Variants in TBRG1 observed in about 807,000 individuals in gnomAD.
The protein encoded by TBRG1 is nuclear interactor of ARF and MDM2.
TBRG1 carries 31 observed loss-of-function variants against 44.0 expected under a neutral mutation model. The ratio of observed to expected loss-of-function variants is 0.70; its 90% confidence interval spans 0.53 to 0.95. The LOEUF is 0.95. TBRG1 is among the 40% of genes least tolerant of loss of function. The pLI is 0.00. For synonymous variants in TBRG1, 171 were observed against 188.1 expected (o/e 0.91, Z 0.74); for missense variants, 487 against 496.1 (o/e 0.98, Z 0.18).
Position 124,624,890 on chromosome 11 carries a change from T to TA in TBRG1, c.151-41_151-40insA, listed in dbSNP as rs1189697949. The TA allele has an allele frequency of 1.9e-5, 25 of 1,328,420 alleles. No homozygotes were observed. In the African/African-American group the frequency reaches 3.3e-4, roughly 18 times the overall value. The allele number at this position is 1,328,420 out of a possible 1,614,324, so 82.3% of individuals were successfully genotyped here. A position where few individuals can be genotyped will look rare whatever the true frequency, so the allele number is the denominator to read the frequency against. On this transcript the variant is annotated intron_variant, in intron 1 of 8. Transcript: ENST00000441174. ...TTCCCAGCATAATAATGTGATTTTT[T>TA]TATTCATTTTATGTTATTATATTCA...
intron 1 of TBRG1, 32 bp downstream of exon 1, chr11:124,623,265 C>T (rs776786936): frequency 2.5e-5 from 39 of 1,550,736 alleles, no homozygotes; most frequent in Non-Finnish European, 3.4e-5. Context: ...CCGGTCCCCT[C>T]CTGGAGACTC....
chr11:124,631,384 T>G lies in TBRG1; in HGVS notation c.1057T>G (p.Phe353Val), dbSNP rs1942606954. Residue 353 changes from phenylalanine to valine, a missense_variant, in exon 8 of 9, where the codon TTT becomes GTT. Physicochemically the swap from Phe to Val is conservative, Grantham distance 50. Transcript: ENST00000441174. ...MSFEAFQRQI[F>V]DEDQNDPLLP... Reference sequence around the variant, plus strand: ...CTTTGAAGCCTTTCAGAGACAGATCTTTGATGAAGATCAGAATGATCCCCT... The same window carrying G: ...CTTTGAAGCCTTTCAGAGACAGATCGTTGATGAAGATCAGAATGATCCCCT... 2.5e-6 allele frequency: 4 copies of G among 1,613,980 alleles called. No homozygotes were observed. Among genetic ancestry groups the G allele is most frequent in the Non-Finnish European group, 1.7e-6 (2 of 1,179,880 alleles).
At position 124,633,145 on chromosome 11, in the gene TBRG1, C is replaced by T. The variant is rs925048673; in HGVS notation, c.*907C>T. On this transcript the variant is annotated 3_prime_UTR_variant, in exon 9 of 9. Transcript: ENST00000441174. ...TTTAACCTCTTTAACCTTTGTATTG[C>T]ACCTCAGATAATGTGCTTTTTAGCT... The T allele has an allele frequency of 1.3e-5, 2 of 152,202 alleles. No individual in the cohort carries two copies. The highest frequency in any genetic ancestry group is 4.8e-5 in the African/African-American group (2 of 41,426). 9.4% of individuals were successfully genotyped at this position (152,202 alleles called of 1,614,324 possible). A position where few individuals can be genotyped will look rare whatever the true frequency, so the allele number is the denominator to read the frequency against.
intron 1 of TBRG1, 78 bp downstream of exon 1, chr11:124,623,311 C>T (rs1942383034): frequency 1.4e-6 from 2 of 1,465,570 alleles, no homozygotes; most frequent in Non-Finnish European, 1.9e-6. Flanking sequence ...TTCCCCCTTC[C>T]CAGTGTGACA....
At position 124,626,923 on chromosome 11, in the gene TBRG1, G is replaced by T. The variant is rs1272928090; in HGVS notation, c.611G>T (p.Gly204Val). Reference protein sequence around the residue: ...SLGEIITDRPGFHDESAIYPV... With the variant: ...SLGEIITDRPVFHDESAIYPV... ...TTATAGATCATCACCGACCGACCTG[G>T]CTTTCATGATGAGAGTGCCATCTAC... Residue 204 changes from glycine to valine, a missense_variant, in exon 5 of 9, where the codon GGC becomes GTC. By Grantham distance (109) the Gly-to-Val change is moderately radical. Coordinates refer to ENST00000441174, the MANE Select transcript of TBRG1 (RefSeq NM_032811.3). 1 of 1,606,390 alleles carries T rather than the reference G, an allele frequency of 6.2e-7. No individual in the cohort carries two copies. Among genetic ancestry groups the T allele is most frequent in the Admixed American group, 1.7e-5 (1 of 59,286 alleles).
At position 124,635,870 on chromosome 11, in the gene TBRG1, A is replaced by G. The variant is rs943091459; in HGVS notation, c.*3632A>G. 4.6e-5 allele frequency: 7 copies of G among 152,150 alleles called. No homozygotes were observed. The highest frequency in any genetic ancestry group is 1.7e-4 in the African/African-American group (7 of 41,446). The allele number at this position is 152,150 out of a possible 1,614,324, so 9.4% of individuals were successfully genotyped here. A position where few individuals can be genotyped will look rare whatever the true frequency, so the allele number is the denominator to read the frequency against. On this transcript the variant is annotated 3_prime_UTR_variant, in exon 9 of 9. Coordinates refer to ENST00000441174, the MANE Select transcript of TBRG1 (RefSeq NM_032811.3). ...TTTCAGACAATGTTAGCTGTTTTTA[A>G]TCCATCAGTAAACTGCATTAAGATT...
intron 2 of TBRG1, 136 bp from the exon 3 acceptor site, chr11:124,625,535 G>A (rs1942446272): frequency 5.5e-6 from 4 of 731,762 alleles, no homozygotes; most frequent in South Asian, 2.0e-5. Flanking sequence ...TGATTCATAG[G>A]GCCTAATAAG....
intron 2 of TBRG1, 119 bp from the exon 3 acceptor site, chr11:124,625,552 T>C (rs1942446629): frequency 2.2e-6 from 2 of 902,002 alleles, no homozygotes; most frequent in Non-Finnish European, 3.3e-6. Context: ...TAAGAACCTT[T>C]CTTTTATGAG....
chr11:124,626,000 A>T (rs1942460000), intron 3 of TBRG1, 97 bp downstream of exon 3: 2 of 1,424,570 alleles, frequency 1.4e-6, no homozygotes, highest in Non-Finnish European at 1.9e-6. Flanking sequence ...CTGCAGATGT[A>T]CTTAGAGTCT....
chr11:124,630,705 C>T (rs768277281), intron 6 of TBRG1, 40 bp from the exon 7 acceptor site: 37 of 1,416,174 alleles, frequency 2.6e-5, no homozygotes, highest in Non-Finnish European at 3.5e-5. Flanking sequence ...CTTCATCTCC[C>T]GCTAAGCTCT....
chr11:124,628,100 TATATATATATATATATACACAC>T (rs1221355792), intron 5 of TBRG1, among the ~76,000 whole-genome samples: 8 of 53,310 alleles, frequency 1.5e-4, no homozygotes, highest in African/African-American at 7.5e-4. Flanking sequence ...TATATATATA[TATATATATATATATATACACAC>T]ACACACACAC....
At chr11:124,631,485 A>G in intron 8 of TBRG1, 68 bp downstream of exon 8, 2 of 1,460,614 alleles carry the variant, frequency 1.4e-6, no homozygotes, top group Non-Finnish European at 1.9e-6. Flanking sequence ...ATCTTCACAC[A>G]TAGCCGAGTA....
In TBRG1 at chr11:124,627,031, A is replaced by ATGG. The variant is rs745831197; in HGVS notation, c.725_727dup (p.Gly242dup). On this transcript the variant is annotated inframe_insertion, in exon 5 of 9. Transcript: ENST00000441174. ...TGTCTATATACCTGTCAGATCAAGG[A>ATGG]TGGTGGTGTGCAGCCTCAGGTACCC... 73 of 1,554,086 alleles carry ATGG rather than the reference A, an allele frequency of 4.7e-5. No homozygotes were observed. The highest frequency in any genetic ancestry group is 5.9e-5 in the Non-Finnish European group (68 of 1,147,828).
chr11:124,623,879 T>A (rs909618302), intron 1 of TBRG1, among the ~76,000 whole-genome samples: 2 of 152,234 alleles, frequency 1.3e-5, no homozygotes, highest in Non-Finnish European at 2.9e-5. Context: ...TAACTTTATA[T>A]TAGAATAGTT....
Position 124,623,048 on chromosome 11 carries a change from G to T in TBRG1, c.-36G>T, listed in dbSNP as rs1457698050. On this transcript the variant is annotated 5_prime_UTR_variant, in exon 1 of 9. Coordinates refer to ENST00000441174, the MANE Select transcript of TBRG1 (RefSeq NM_032811.3). ...GCTCCCCGACTTAGGATCCGATGCC[G>T]GCAGCGTCCTGGGGCCCCCGTAGCG... is the stretch of plus-strand genomic sequence containing the variant. The T allele has an allele frequency of 6.0e-6, 9 of 1,501,610 alleles. No homozygotes were observed. The highest frequency in any genetic ancestry group is 4.9e-5 in the East Asian group (2 of 40,578). The allele number at this position is 1,501,610 out of a possible 1,614,324, so 93.0% of individuals were successfully genotyped here.
Position 124,627,011 on chromosome 11 carries a change from A to G in TBRG1, c.699A>G (p.Leu233=). 2 of 1,560,392 alleles carry G rather than the reference A, an allele frequency of 1.3e-6. No homozygotes were observed. The highest frequency in any genetic ancestry group is 1.7e-6 in the Non-Finnish European group (2 of 1,151,100). ...ASMKCPDQKC[L]YTCQIKDGGV... Reference sequence around the variant, plus strand: ...TGAAGTGCCCAGACCAGAAGTGTCTATATACCTGTCAGATCAAGGATGGTG... The same window carrying G: ...TGAAGTGCCCAGACCAGAAGTGTCTGTATACCTGTCAGATCAAGGATGGTG... The change falls in exon 5 of 9, where the codon CTA becomes CTG. Residue 233 remains leucine (L), a synonymous_variant. Coordinates refer to ENST00000441174, the MANE Select transcript of TBRG1 (RefSeq NM_032811.3).
At chr11:124,629,256 G>A (rs182914780) in intron 5 of TBRG1, among the ~76,000 whole-genome samples, 3,066 of 152,118 alleles carry the variant, frequency 0.02, 48 homozygotes, top group African/African-American at 0.029. Context: ...GGAGAATGGC[G>A]TGAACCCGGG....
In TBRG1 at chr11:124,622,881, G is replaced by A. The variant is rs1942367776; in HGVS notation, c.-203G>A. On this transcript the variant is annotated 5_prime_UTR_variant, in exon 1 of 9. Coordinates refer to ENST00000441174, the MANE Select transcript of TBRG1 (RefSeq NM_032811.3). ...AAGGGCTTACTTCCAAGACAGACAC[G>A]GAAGTGCTGGGAGGCGCCGGGAGCC... The A allele has an allele frequency of 1.8e-6, 1 of 566,120 alleles. No individual in the cohort carries two copies. Among genetic ancestry groups the A allele is most frequent in the African/African-American group, 1.9e-5 (1 of 52,642 alleles). The allele number at this position is 566,120 out of a possible 1,614,324, so 35.1% of individuals were successfully genotyped here. A position where few individuals can be genotyped will look rare whatever the true frequency, so the allele number is the denominator to read the frequency against.
At position 124,632,312 on chromosome 11, in the gene TBRG1, A is replaced by G; in HGVS notation, c.*74A>G. The G allele has an allele frequency of 7.4e-7, 1 of 1,349,474 alleles. No homozygotes were observed. The highest frequency in any genetic ancestry group is 1.0e-6 in the Non-Finnish European group (1 of 957,946). 83.6% of individuals were successfully genotyped at this position (1,349,474 alleles called of 1,614,324 possible). ...TTAAACTAAAATTTTGGGTATATGA[A>G]AGAAGGCAGCAATTCAGAAGTAAAG... On this transcript the variant is annotated 3_prime_UTR_variant, in exon 9 of 9. Coordinates refer to ENST00000441174, the MANE Select transcript of TBRG1 (RefSeq NM_032811.3).
Sources: gnomAD v4.1 joint callset for allele counts (sites outside exome capture counted in the v4.1 genomes callset) on GRCh38, gnomAD v4.1.1 for gene constraint, MANE v1.5 for transcripts, NCBI Gene and HGNC (gene_info 2026-07-23, HGNC 2026-07-21) for gene names.